DNAH10: variants seen among roughly 807,000 people sequenced by gnomAD.
The protein encoded by DNAH10 is axonemal beta dynein heavy chain 10.
DNAH10 carries 348 observed loss-of-function variants against 506.6 expected under a neutral mutation model. The observed-to-expected ratio is 0.69, with a 90% CI of 0.63 to 0.75. DNAH10 has a LOEUF of 0.75. DNAH10 is among the 30% of genes least tolerant of loss of function. The pLI is 0.00. For synonymous variants in DNAH10, 2,059 were observed against 2,198.6 expected, an observed-to-expected ratio of 0.94 and a Z score of 1.78; for missense variants, 5,179 against 5,787.1, an observed-to-expected ratio of 0.89 and a Z score of 3.41.
chr12:123,783,738 T>C (rs540815991), intron 7 of DNAH10, among the ~76,000 whole-genome samples: 65 of 152,270 alleles, frequency 4.3e-4, no homozygotes, highest in African/African-American at 1.4e-3. Flanking sequence ...ACCTCAGTTG[T>C]CCGGAGAAAG....
At chr12:123,889,793 G>C (rs199735399) in intron 52 of DNAH10, among the ~76,000 whole-genome samples, 5 of 152,188 alleles carry the variant, frequency 3.3e-5, no homozygotes, top group Non-Finnish European at 7.3e-5. Context: ...GTCTTAAGGG[G>C]TTAAGATCAG....
chr12:123,923,659 C>T (rs1378894867), intron 65 of DNAH10, 104 bp from the exon 66 acceptor site: 8 of 700,164 alleles, frequency 1.1e-5, no homozygotes, highest in South Asian at 1.0e-4. Flanking sequence ...CCATACAGTT[C>T]GAGTGTTTCA....
At chr12:123,819,623 T>C in intron 23 of DNAH10, among the ~76,000 whole-genome samples, 1 of 152,094 alleles carries the variant, frequency 6.6e-6, no homozygotes, top group East Asian at 1.9e-4. Flanking sequence ...CATTTATTCT[T>C]TGGATTCAGA....
At position 123,771,688 on chromosome 12, in the gene DNAH10, T is replaced by A; in HGVS notation, c.386T>A (p.Leu129His). 6.2e-7 allele frequency: 1 copy of A among 1,611,072 alleles called. No homozygotes were observed. Among genetic ancestry groups the A allele is most frequent in the East Asian group, 2.2e-5 (1 of 44,834 alleles). ...EEMDKEISEKLPSKRTAKHIM... is the reference protein window; with the variant it reads ...EEMDKEISEKHPSKRTAKHIM... ...ATGGACAAAGAGATTTCAGAAAAACTCCCTTCCAAAGTAAGCATGGCTCTT... is the reference window on the plus strand; with the variant it reads ...ATGGACAAAGAGATTTCAGAAAAACACCCTTCCAAAGTAAGCATGGCTCTT... Residue 129 changes from leucine to histidine, a missense_variant, in exon 3 of 79, where the codon CTC (leucine) becomes CAC (histidine). This residue lies in a region of DNAH10 where 326 missense variants were observed against 330.8 expected (regional missense o/e 0.99). Transcript: ENST00000673944.
At chr12:123,924,043 G>T in intron 66 of DNAH10, 176 bp downstream of exon 66, 1 of 730,892 alleles carries the variant, frequency 1.4e-6, no homozygotes, top group Non-Finnish European at 2.2e-6. Context: ...GGCTCTGGTT[G>T]AAATCGGAGC....
intron 43 of DNAH10, among the ~76,000 whole-genome samples, chr12:123,870,022 A>G (rs375767881): frequency 3.9e-5 from 6 of 152,292 alleles, no homozygotes; most frequent in East Asian, 1.9e-4. Context: ...AAGGGTAGGG[A>G]CCAGGGCTCT....
chr12:123,918,764 C>A lies in DNAH10; in HGVS notation c.11321C>A (p.Ala3774Asp), dbSNP rs938155757. 1 of 1,610,758 alleles carries A rather than the reference C, an allele frequency of 6.2e-7. No individual in the cohort carries two copies. The highest frequency in any genetic ancestry group is 8.5e-7 in the Non-Finnish European group (1 of 1,177,874). The change falls in exon 65 of 79, where the codon GCC (alanine) becomes GAC (aspartate). Residue 3774 changes from alanine to aspartate, a missense_variant. Transcript: ENST00000673944. ...TACCGGCCAGCAGCCAGGAGGGGGG[C>A]CATCCTGTTCTTCGTCCTGTCTGAG... is the stretch of plus-strand genomic sequence containing the variant. ...DGYRPAARRGAILFFVLSEMA... is the reference protein window; with the variant it reads ...DGYRPAARRGDILFFVLSEMA...
At chr12:123,885,517 G>A (rs548131639) in intron 51 of DNAH10, among the ~76,000 whole-genome samples, 2 of 152,076 alleles carry the variant, frequency 1.3e-5, no homozygotes, top group South Asian at 4.2e-4. Context: ...TGGTAAGTTG[G>A]CAGGTTAAAG....
At chr12:123,896,144 CACACAGAGAGAG>C (rs1175951129) in intron 54 of DNAH10, among the ~76,000 whole-genome samples, 10 of 110,700 alleles carry the variant, frequency 9.0e-5, no homozygotes, top group South Asian at 2.7e-4. Context: ...CACACACACA[CACACAGAGAGAG>C]AGAGAGAGAG....
At chr12:123,877,715 G>A in intron 47 of DNAH10, 21 bp from the exon 48 acceptor site, 2 of 1,604,330 alleles carry the variant, frequency 1.2e-6, no homozygotes, top group Non-Finnish European at 1.7e-6. Context: ...GTGTTGGGGG[G>A]GGTGTCTTTG....
In DNAH10 at chr12:123,925,092, G is replaced by C. The variant is rs746783876; in HGVS notation, c.11809G>C (p.Gly3937Arg). ...ACTGGAGCAGTTTCCCGTCCCCTTGGGTTACGATAACAACATCACCCCTTT... is the reference window on the plus strand; with the variant it reads ...ACTGGAGCAGTTTCCCGTCCCCTTGCGTTACGATAACAACATCACCCCTTT... ...DSLEQFPVPL[G>R]YDNNITPFQK... is the part of the protein sequence containing the mutation. The change falls in exon 68 of 79, where the codon GGT becomes CGT. Residue 3937 changes from glycine (G) to arginine (R), a missense_variant. Transcript: ENST00000673944. The surrounding 1 kb of genome is among the most constrained non-coding windows in gnomAD (Gnocchi z 4.0). 12 of 1,613,846 alleles carry C rather than the reference G, an allele frequency of 7.4e-6. No individual in the cohort carries two copies. Among genetic ancestry groups the C allele is most frequent in the Non-Finnish European group, 1.0e-5 (12 of 1,179,880 alleles).
At chr12:123,799,816 G>A (rs971797154) in intron 14 of DNAH10, among the ~76,000 whole-genome samples, 47 of 152,238 alleles carry the variant, frequency 3.1e-4, no homozygotes, top group Admixed American at 1.2e-3. Context: ...CCGTTAGGGA[G>A]GAAAGATGCA....
chr12:123,838,225 G>A (rs889570269), intron 28 of DNAH10, among the ~76,000 whole-genome samples: 3 of 152,148 alleles, frequency 2.0e-5, no homozygotes, highest in African/African-American at 7.2e-5. Context: ...ACGGGATAAC[G>A]AAAAGAAAAA....
intron 24 of DNAH10, among the ~76,000 whole-genome samples, chr12:123,825,393 T>C (rs1959868344): frequency 6.6e-6 from 1 of 152,178 alleles, no homozygotes; most frequent in African/African-American, 2.4e-5. Flanking sequence ...CAAATGCCCA[T>C]TAAGTGAATG....
chr12:123,934,120 G>A (rs548823926), intron 77 of DNAH10: 7 of 623,640 alleles, frequency 1.1e-5, no homozygotes, highest in African/African-American at 5.4e-5. Context: ...GCAGGTGTCC[G>A]GGCCACCACT....
In DNAH10 at chr12:123,913,080, C is replaced by G; in HGVS notation, c.10135-18C>G. ...CACGGTCCTTTTCCCCATCTTTTTG[C>G]AAATTGTCTTCACTTAGGTGGCCAG... On this transcript the variant is annotated intron_variant, in intron 59 of 78. Transcript: ENST00000673944. This position sits in a 1 kb window ranked among gnomAD's most constrained non-coding sequence, Gnocchi z 5.1. The G allele has an allele frequency of 6.3e-7, 1 of 1,592,810 alleles. No homozygotes were observed. The highest frequency in any genetic ancestry group is 8.6e-7 in the Non-Finnish European group (1 of 1,169,560).
chr12:123,848,797 G>A lies in DNAH10; in HGVS notation c.6017G>A (p.Arg2006Gln), dbSNP rs369904884. ...GAWGCFDEFNRIDASVLSVIS... is the reference protein window; with the variant it reads ...GAWGCFDEFNQIDASVLSVIS... ...TGGGGCTGCTTTGATGAGTTTAATC[G>A]AATCGATGCTTCTGTGCTCTCCGTG... The change falls in exon 34 of 79, where the codon CGA (arginine) becomes CAA (glutamine). Residue 2006 changes from arginine to glutamine, a missense_variant. Coordinates refer to ENST00000673944, the MANE Select transcript of DNAH10 (RefSeq NM_001372106.1). The A allele has an allele frequency of 1.1e-5, 18 of 1,613,712 alleles. No individual in the cohort carries two copies. Among genetic ancestry groups the A allele is most frequent in the Admixed American group, 1.0e-4 (6 of 59,982 alleles).
At position 123,833,359 on chromosome 12, in the gene DNAH10, G is replaced by C. The variant is rs774537978; in HGVS notation, c.4779+12G>C. 6.3e-7 allele frequency: 1 copy of C among 1,598,078 alleles called. No individual in the cohort carries two copies. The highest frequency in any genetic ancestry group is 8.5e-7 in the Non-Finnish European group (1 of 1,170,298). ...GGGAAGTCATTGAGGTGAGAGAAAA[G>C]ATGAACAAAAGATGGATTAGAGCCA... On this transcript the variant is annotated intron_variant, in intron 27 of 78. Transcript: ENST00000673944.
Position 123,916,877 on chromosome 12 carries a change from C to T in DNAH10, c.11002+141C>T. The T allele has an allele frequency of 9.2e-7, 1 of 1,089,608 alleles. No homozygotes were observed. Among genetic ancestry groups the T allele is most frequent in the Admixed American group, 2.9e-5 (1 of 34,780 alleles). 67.5% of individuals were successfully genotyped at this position (1,089,608 alleles called of 1,614,324 possible). On this transcript the variant is annotated intron_variant, in intron 63 of 78. Transcript: ENST00000673944. This position sits in a 1 kb window ranked among gnomAD's most constrained non-coding sequence, Gnocchi z 4.6. ...ATAGGCACATCTGGACTAGTCAGCT[C>T]TTACCAATTAGGTACCACTTAGAAG...
Sources: allele counts gnomAD v4.1 joint callset (sites outside exome capture counted in the v4.1 genomes callset), GRCh38; gene constraint gnomAD v4.1.1; regional missense constraint gnomAD v4.1.1; non-coding constraint Gnocchi (gnomAD v3.1); transcripts MANE v1.5; gene names NCBI Gene and HGNC (gene_info 2026-07-23, HGNC 2026-07-21).